The following FREM3 variants were observed in gnomAD, a reference collection of about 807,000 sequenced individuals.
FREM3 encodes the protein FRAS1 related extracellular matrix 3.
In FREM3, 105 loss-of-function variants were observed where a neutral mutation model predicts 129.1. The ratio of observed to expected loss-of-function variants is 0.81; its 90% CI spans 0.69 to 0.96. The LOEUF (loss-of-function observed/expected upper bound fraction) is 0.96. FREM3 is among the 40% of genes least tolerant of loss of function. The probability of loss-of-function intolerance (pLI) is 0.00; values close to 1 mark genes in which losing one functional copy is unlikely to be tolerated. For missense variants in FREM3, 2,593 were observed against 2,666.3 expected (o/e 0.97, Z 0.61); for synonymous variants, 1,014 against 1,044.9 (o/e 0.97, Z 0.57).
intron 5 of FREM3, among the ~76,000 whole-genome samples, chr4:143,612,712 A>G (rs1738783659): frequency 6.6e-6 from 1 of 152,256 alleles, no homozygotes; most frequent in South Asian, 2.1e-4. Flanking sequence ...AAACAGCAAC[A>G]CATAGGTTTA....
intron 2 of FREM3, among the ~76,000 whole-genome samples, chr4:143,630,337 G>A (rs951772019): frequency 6.6e-6 from 1 of 152,108 alleles, no homozygotes; most frequent in African/African-American, 2.4e-5. Flanking sequence ...CTACTGACTG[G>A]TTAATACATC....
At chr4:143,680,776 A>C (rs1048457547) in intron 2 of FREM3, among the ~76,000 whole-genome samples, 1 of 152,130 alleles carries the variant, frequency 6.6e-6, no homozygotes, top group Admixed American at 6.5e-5. Flanking sequence ...ATGTATTCTA[A>C]AGAGTTTAAT....
chr4:143,662,728 A>G (rs375333836), intron 2 of FREM3, among the ~76,000 whole-genome samples: 84 of 151,872 alleles, frequency 5.5e-4, no homozygotes, highest in Admixed American at 1.5e-3. Context: ...AAGTCTCTTT[A>G]TAGGTCACTC....
chr4:143,610,028 A>C (rs1738728409), intron 6 of FREM3, among the ~76,000 whole-genome samples: 1 of 152,222 alleles, frequency 6.6e-6, no homozygotes, highest in Non-Finnish European at 1.5e-5. Flanking sequence ...ATTTTAAGAA[A>C]AACAATCTTT....
intron 6 of FREM3, among the ~76,000 whole-genome samples, chr4:143,604,443 CCT>C: frequency 6.6e-6 from 1 of 152,268 alleles, no homozygotes. Context: ...AGGCTGCAGT[CCT>C]CAACCTTGGC....
chr4:143,597,753 C>T (rs1738508239), intron 6 of FREM3, among the ~76,000 whole-genome samples: 1 of 152,128 alleles, frequency 6.6e-6, no homozygotes, highest in African/African-American at 2.4e-5. Context: ...AACTACAAAA[C>T]ATTGATAAAA....
At position 143,581,058 on chromosome 4, in the gene FREM3, C is replaced by T. The variant is rs115337490; in HGVS notation, c.6179-3206G>A. 5.5e-3 allele frequency among the ~76,000 whole-genome samples: 844 copies of T among 152,306 alleles called. 11 individuals carry two copies. The highest frequency in any genetic ancestry group is 0.019 in the African/African-American group (809 of 41,562). On this transcript the variant is annotated intron_variant, in intron 7 of 7. Coordinates refer to ENST00000329798, the MANE Select transcript of FREM3 (RefSeq NM_001168235.2). The stretch of plus-strand genomic sequence containing the variant: ...TGCTCCACAACCCCAGCTCCTGCTG[C>T]GCTCAGGCTTGGGAGGGAGCAAAGA...
At position 143,664,024 on chromosome 4, in the gene FREM3, G is replaced by T. The variant is rs908117796; in HGVS notation, c.5275+29089C>A. Among the ~76,000 whole-genome samples the T allele has an allele frequency of 3.9e-5, 6 of 152,010 alleles. 1 individual carries two copies. The highest frequency in any genetic ancestry group is 7.4e-5 in the Non-Finnish European group (5 of 68,002). On this transcript the variant is annotated intron_variant, in intron 2 of 7. Transcript: ENST00000329798. ...AAAGTTTTCAACTTCTTTGCCTTCC[G>T]TTTGAATTTCCTCCTGTAGTTCGGA...
chr4:143,586,925 G>A (rs2149833789), intron 6 of FREM3, among the ~76,000 whole-genome samples: 1 of 152,338 alleles, frequency 6.6e-6, no homozygotes, highest in African/African-American at 2.4e-5. Flanking sequence ...TGAGGTTGTT[G>A]AACGGAAAAT....
chr4:143,682,717 A>G (rs1318612948), intron 2 of FREM3, among the ~76,000 whole-genome samples: 1 of 152,230 alleles, frequency 6.6e-6, no homozygotes, highest in African/African-American at 2.4e-5. Context: ...TGATAATTGT[A>G]AAGATAGTGT....
intron 2 of FREM3, among the ~76,000 whole-genome samples, chr4:143,652,681 G>A (rs1236327653): frequency 6.6e-6 from 1 of 152,204 alleles, no homozygotes; most frequent in Non-Finnish European, 1.5e-5. Flanking sequence ...TGCTCAGGCT[G>A]GAGTACAGTG....
At chr4:143,657,715 T>G (rs1739626627) in intron 2 of FREM3, among the ~76,000 whole-genome samples, 1 of 152,172 alleles carries the variant, frequency 6.6e-6, no homozygotes, top group Non-Finnish European at 1.5e-5. Context: ...AATTAGCATC[T>G]CTATTTTAGA....
intron 1 of FREM3, among the ~76,000 whole-genome samples, chr4:143,694,199 C>A (rs1167689174): frequency 1.3e-5 from 2 of 152,208 alleles, no homozygotes; most frequent in Admixed American, 6.5e-5. Context: ...TGTGCATATT[C>A]TCTGGGTGCT....
chr4:143,587,564 C>G (rs1334421980), intron 6 of FREM3, among the ~76,000 whole-genome samples: 1 of 152,186 alleles, frequency 6.6e-6, no homozygotes, highest in East Asian at 1.9e-4. Context: ...TCTTTCTTCT[C>G]TTACCAAGAA....
rs932536346 is a variant in FREM3, at chr4:143,664,546, C to A, written c.5275+28567G>T. On this transcript the variant is annotated intron_variant, in intron 2 of 7. Transcript: ENST00000329798. ...GCTCGTGGGTCAGGGGTCAGGGACC[C>A]ACTTGAGGAGGCAGTCTGCCCGTTC... 2.2e-4 allele frequency among the ~76,000 whole-genome samples: 34 copies of A among 152,184 alleles called. 1 individual carries two copies. The highest frequency in any genetic ancestry group is 3.8e-4 in the Non-Finnish European group (26 of 68,024).
chr4:143,675,829 A>T (rs916074689), intron 2 of FREM3, among the ~76,000 whole-genome samples: 2 of 152,244 alleles, frequency 1.3e-5, no homozygotes, highest in Non-Finnish European at 2.9e-5. Context: ...CACCCTCCAA[A>T]GACTAAACCA....
intron 2 of FREM3, among the ~76,000 whole-genome samples, chr4:143,656,660 G>A (rs916426994): frequency 2.6e-5 from 4 of 152,142 alleles, no homozygotes; most frequent in African/African-American, 7.2e-5. Flanking sequence ...AGAGTAGGGA[G>A]AGGGGTGGCG....
At chr4:143,608,164 T>C (rs1205087816) in intron 6 of FREM3, among the ~76,000 whole-genome samples, 1 of 152,192 alleles carries the variant, frequency 6.6e-6, no homozygotes, top group African/African-American at 2.4e-5. Flanking sequence ...CGTTTTGCCA[T>C]GTAAAGTAAC....
Position 143,695,738 on chromosome 4 carries a change from T to C in FREM3, c.4938A>G (p.Gln1646=). The C allele has an allele frequency of 6.5e-7, 1 of 1,537,262 alleles. No homozygotes were observed. Among genetic ancestry groups the C allele is most frequent in the Non-Finnish European group, 8.7e-7 (1 of 1,146,918 alleles). Residue 1646 remains glutamine, a synonymous_variant, in exon 1 of 8, where the codon CAA becomes CAG. Transcript: ENST00000329798. ...PDTALATHKP[Q]VMRVQIRSLD... Reference sequence around the variant, plus strand: ...ATGATCTTATCTGGACCCTCATTACTTGAGGTTTGTGTGTCGCCAGGGCAG... The same window carrying C: ...ATGATCTTATCTGGACCCTCATTACCTGAGGTTTGTGTGTCGCCAGGGCAG...
Sources: allele counts gnomAD v4.1 joint callset (sites outside exome capture counted in the v4.1 genomes callset), GRCh38; gene constraint gnomAD v4.1.1; transcripts MANE v1.5; gene names NCBI Gene and HGNC (gene_info 2026-07-23, HGNC 2026-07-21).